Variants in PCDHGB7 observed in about 807,000 individuals in gnomAD.
PCDHGB7 encodes protocadherin gamma subfamily B, 7.
A neutral mutation model predicts 61.4 loss-of-function variants in PCDHGB7; 37 were observed. The observed-to-expected ratio is 0.60, with a 90% CI of 0.46 to 0.79. The LOEUF (loss-of-function observed/expected upper bound fraction) is 0.79, where lower values mean the gene tolerates loss of function less well. Among genes scored for constraint, PCDHGB7 ranks in the 30% least tolerant of loss-of-function variants. The pLI is 0.00. For synonymous variants in PCDHGB7, 464 were observed against 503.5 expected (o/e 0.92, Z 1.05); for missense variants, 1,166 against 1,202.5 (o/e 0.97, Z 0.45).
Position 141,490,440 on chromosome 5 carries a change from T to G in PCDHGB7, c.2416-4367T>G, listed in dbSNP as rs560525159. The G allele has an allele frequency of 6.2e-7, 1 of 1,614,206 alleles. No individual in the cohort carries two copies. The highest frequency in any genetic ancestry group is 1.7e-5 in the Admixed American group (1 of 60,026). On this transcript the variant is annotated intron_variant, in intron 1 of 3. Transcript: ENST00000398594. This position sits in a 1 kb window ranked among gnomAD's most constrained non-coding sequence, Gnocchi z 5.4. ...ACCTGCCATTTCAGATTAAGCCTTCTGAGAACCACTACTCGCTGCTAACCA... is the reference window on the plus strand; with the variant it reads ...ACCTGCCATTTCAGATTAAGCCTTCGGAGAACCACTACTCGCTGCTAACCA...
Position 141,432,928 on chromosome 5 carries a change from C to T in PCDHGB7, c.2415+12654C>T, listed in dbSNP as rs1443097611. ...GGCTGCGGCGCTGGCACAAGTCACG[C>T]CTGCTGCAGGCTTCAGGAGGCGGCT... On this transcript the variant is annotated intron_variant, in intron 1 of 3. Transcript: ENST00000398594. This position sits in a 1 kb window ranked among gnomAD's most constrained non-coding sequence, Gnocchi z 6.0. 1.2e-6 allele frequency: 2 copies of T among 1,614,066 alleles called. No homozygotes were observed. Among genetic ancestry groups the T allele is most frequent in the African/African-American group, 1.3e-5 (1 of 74,942 alleles).
chr5:141,428,031 G>A (rs760882803), intron 1 of PCDHGB7: 6 of 1,607,376 alleles, frequency 3.7e-6, no homozygotes, highest in South Asian at 3.3e-5. Context: ...CGCAGAGTCC[G>A]GCTACCTGGT....
chr5:141,476,476 C>A lies in PCDHGB7; in HGVS notation c.2416-18331C>A. On this transcript the variant is annotated intron_variant, in intron 1 of 3. Coordinates refer to ENST00000398594, the MANE Select transcript of PCDHGB7 (RefSeq NM_018927.4). The surrounding 1 kb of genome is among the most constrained non-coding windows in gnomAD (Gnocchi z 7.6). ...TGGAGAACCCGCTGGAGCTGTTCAG[C>A]GTGGAAGTGGTGATCCAGGACATCA... 6.2e-7 allele frequency: 1 copy of A among 1,613,986 alleles called. No individual in the cohort carries two copies. The highest frequency in any genetic ancestry group is 8.5e-7 in the Non-Finnish European group (1 of 1,179,992).
In PCDHGB7 at chr5:141,431,183, A is replaced by G. The variant is rs1467232519; in HGVS notation, c.2415+10909A>G. Reference sequence around the variant, plus strand: ...TCGTGAAAGTGAATTAGAAATAAAAATTAGTGAAAATGCAGCCACTGAGAT... The same window carrying G: ...TCGTGAAAGTGAATTAGAAATAAAAGTTAGTGAAAATGCAGCCACTGAGAT... On this transcript the variant is annotated intron_variant, in intron 1 of 3. Transcript: ENST00000398594. The surrounding 1 kb of genome is among the most constrained non-coding windows in gnomAD (Gnocchi z 4.8). 1 of 1,614,218 alleles carries G rather than the reference A, an allele frequency of 6.2e-7. No individual in the cohort carries two copies. The highest frequency in any genetic ancestry group is 2.2e-5 in the East Asian group (1 of 44,880).
At chr5:141,472,998 GAAAGAA>G (rs1489589280) in intron 1 of PCDHGB7, among the ~76,000 whole-genome samples, 8 of 134,744 alleles carry the variant, frequency 5.9e-5, no homozygotes, top group South Asian at 2.3e-4. Flanking sequence ...AAAAAAAAAA[GAAAGAA>G]AAAGAAAAAG....
intron 3 of PCDHGB7, among the ~76,000 whole-genome samples, chr5:141,505,729 G>A (rs1026403192): frequency 7.9e-5 from 12 of 152,286 alleles, no homozygotes; most frequent in African/African-American, 2.9e-4. Flanking sequence ...AGGGAATAGT[G>A]GTTACAAGTC....
chr5:141,487,452 T>A lies in PCDHGB7; in HGVS notation c.2416-7355T>A, dbSNP rs778695562. 40 of 1,614,046 alleles carry A rather than the reference T, an allele frequency of 2.5e-5. No homozygotes were observed. The highest frequency in any genetic ancestry group is 3.4e-5 in the Non-Finnish European group (40 of 1,180,004). On this transcript the variant is annotated intron_variant, in intron 1 of 3. Coordinates refer to ENST00000398594, the MANE Select transcript of PCDHGB7 (RefSeq NM_018927.4). This position sits in a 1 kb window ranked among gnomAD's most constrained non-coding sequence, Gnocchi z 5.0. ...ATCCAGCTAGGGTCAGATGACCCTA[T>A]CAAGTTTGTTGATGTGGGAGGCCAC... is the stretch of plus-strand genomic sequence containing the variant.
At chr5:141,501,366 T>G (rs1297210978) in intron 2 of PCDHGB7, among the ~76,000 whole-genome samples, 1 of 150,672 alleles carries the variant, frequency 6.6e-6, no homozygotes, top group Non-Finnish European at 1.5e-5. Flanking sequence ...ACCATATTCA[T>G]CATCTCTTAA....
chr5:141,476,146 G>C lies in PCDHGB7; in HGVS notation c.2416-18661G>C. 1 of 1,611,402 alleles carries C rather than the reference G, an allele frequency of 6.2e-7. No individual in the cohort carries two copies. On this transcript the variant is annotated intron_variant, in intron 1 of 3. Transcript: ENST00000398594. This position sits in a 1 kb window ranked among gnomAD's most constrained non-coding sequence, Gnocchi z 7.6. ...TCCCAGAGGCCTGGAGGAGCGGACT[G>C]GTAAGCACCGGGAGGGTAGTGGGAG...
At position 141,489,754 on chromosome 5, in the gene PCDHGB7, C is replaced by G; in HGVS notation, c.2416-5053C>G. 1 of 1,614,110 alleles carries G rather than the reference C, an allele frequency of 6.2e-7. No homozygotes were observed. The highest frequency in any genetic ancestry group is 8.5e-7 in the Non-Finnish European group (1 of 1,179,972). ...CACCAATACTGTGAGCTTTTACACT[C>G]TAAGCCCCAACAGCCACTTCTCTCT... On this transcript the variant is annotated intron_variant, in intron 1 of 3. Coordinates refer to ENST00000398594, the MANE Select transcript of PCDHGB7 (RefSeq NM_018927.4). The surrounding 1 kb of genome is among the most constrained non-coding windows in gnomAD (Gnocchi z 4.5).
intron 2 of PCDHGB7, among the ~76,000 whole-genome samples, chr5:141,501,420 T>C (rs1429838126): frequency 6.6e-6 from 1 of 152,006 alleles, no homozygotes; most frequent in Non-Finnish European, 1.5e-5. Context: ...AATAGTTGAC[T>C]AAATGTAGTC....
chr5:141,417,892 C>G lies in PCDHGB7; in HGVS notation c.33C>G (p.Ala11=), dbSNP rs550343206. Residue 11 remains alanine (A), a synonymous_variant, in exon 1 of 4, where the codon GCC becomes GCG. Coordinates refer to ENST00000398594, the MANE Select transcript of PCDHGB7 (RefSeq NM_018927.4). Reference sequence around the variant, plus strand: ...GGAGCTGCGCGCAGAGGCGCCGGGCCGGCCCGCGGCAGGTACTATTTCCTT... The same window carrying G: ...GGAGCTGCGCGCAGAGGCGCCGGGCGGGCCCGCGGCAGGTACTATTTCCTT... MGGSCAQRRR[A]GPRQVLFPLL... 2.2e-4 allele frequency: 348 copies of G among 1,570,774 alleles called. 2 individuals carry two copies. The South Asian group carries it at 3.7e-3, about 17-fold the overall frequency.
At chr5:141,451,607 C>T (rs2154563647) in intron 1 of PCDHGB7, among the ~76,000 whole-genome samples, 1 of 152,288 alleles carries the variant, frequency 6.6e-6, no homozygotes, top group Non-Finnish European at 1.5e-5. Context: ...CAAGGCTAGG[C>T]ATGGTGGCTC....
In PCDHGB7 at chr5:141,477,836, G is replaced by T. The variant is rs1344676631; in HGVS notation, c.2416-16971G>T. On this transcript the variant is annotated intron_variant, in intron 1 of 3. Transcript: ENST00000398594. This position sits in a 1 kb window ranked among gnomAD's most constrained non-coding sequence, Gnocchi z 4.9. ...CCAGGTCCTATATCCTCGGCCAGGT[G>T]GGAGCTCGGTGGAGATGCTGCCTCG... The T allele has an allele frequency of 1.2e-6, 2 of 1,613,952 alleles. No individual in the cohort carries two copies. Among genetic ancestry groups the T allele is most frequent in the Non-Finnish European group, 1.7e-6 (2 of 1,180,012 alleles).
intron 1 of PCDHGB7, among the ~76,000 whole-genome samples, chr5:141,439,406 C>T (rs2098110611): frequency 6.6e-6 from 1 of 152,190 alleles, no homozygotes; most frequent in Non-Finnish European, 1.5e-5. Flanking sequence ...CATGTGCTAA[C>T]ATCACTGAGG....
At position 141,476,573 on chromosome 5, in the gene PCDHGB7, C is replaced by T; in HGVS notation, c.2416-18234C>T. 6.2e-7 allele frequency: 1 copy of T among 1,614,216 alleles called. No homozygotes were observed. Among genetic ancestry groups the T allele is most frequent in the Non-Finnish European group, 8.5e-7 (1 of 1,180,038 alleles). On this transcript the variant is annotated intron_variant, in intron 1 of 3. Coordinates refer to ENST00000398594, the MANE Select transcript of PCDHGB7 (RefSeq NM_018927.4). The surrounding 1 kb of genome is among the most constrained non-coding windows in gnomAD (Gnocchi z 7.6). ...TAGCGAGGCCGTGGCTCCGGGGACG[C>T]GCTTTCCGCTCGAGAGCGCGCACGA... is the stretch of plus-strand genomic sequence containing the variant.
In PCDHGB7 at chr5:141,419,137, C is replaced by T. The variant is rs764281503; in HGVS notation, c.1278C>T (p.Asp426=). 1 of 1,613,892 alleles carries T rather than the reference C, an allele frequency of 6.2e-7. No individual in the cohort carries two copies. Among genetic ancestry groups the T allele is most frequent in the Non-Finnish European group, 8.5e-7 (1 of 1,179,878 alleles). ...ACAACGTCACCATCGCAGCCACAGA[C>T]AGGGGCAAGCCTCCGTTATCCTCCA... ...PEYNVTIAAT[D]RGKPPLSSSK... is the part of the protein sequence containing the mutation. Residue 426 remains aspartate (D), a synonymous_variant, in exon 1 of 4, where the codon GAC becomes GAT. Coordinates refer to ENST00000398594, the MANE Select transcript of PCDHGB7 (RefSeq NM_018927.4).
At chr5:141,494,455 G>A (rs906714175) in intron 1 of PCDHGB7, among the ~76,000 whole-genome samples, 2 of 152,156 alleles carry the variant, frequency 1.3e-5, no homozygotes, top group African/African-American at 4.8e-5. Flanking sequence ...AGGGGGCTTT[G>A]TCTGCACCTC....
intron 1 of PCDHGB7, among the ~76,000 whole-genome samples, chr5:141,462,550 A>G (rs1485478117): frequency 6.6e-6 from 1 of 151,942 alleles, no homozygotes; most frequent in East Asian, 1.9e-4. Flanking sequence ...TTTCTTCTTC[A>G]GTGTTTACTG....
Sources: gnomAD v4.1 joint callset for allele counts (sites outside exome capture counted in the v4.1 genomes callset) on GRCh38, gnomAD v4.1.1 for gene constraint, Gnocchi (gnomAD v3.1) non-coding constraint, MANE v1.5 for transcripts, NCBI Gene and HGNC (gene_info 2026-07-23, HGNC 2026-07-21) for gene names.